Variants in SLC38A6 observed in about 807,000 individuals in gnomAD.
The protein encoded by SLC38A6 is N system amino acid transporter NAT-1.
SLC38A6 carries 73 observed loss-of-function variants against 65.0 expected under a neutral mutation model. That is an observed-to-expected ratio of 1.12 (90% CI 0.93 to 1.37). The LOEUF is 1.37. Among genes scored for constraint, SLC38A6 ranks in the 40% most tolerant of loss-of-function variants. SLC38A6 has a pLI of 0.00. For synonymous variants in SLC38A6, 183 were observed against 178.8 expected, an observed-to-expected ratio of 1.02 and a Z score of -0.19; for missense variants, 561 against 531.1, an observed-to-expected ratio of 1.06 and a Z score of -0.55.
At chr14:61,066,043 T>C (rs1189919048) in intron 15 of SLC38A6, among the ~76,000 whole-genome samples, 6 of 152,238 alleles carry the variant, frequency 3.9e-5, no homozygotes, top group Non-Finnish European at 8.8e-5. Flanking sequence ...ATTAGCCCTA[T>C]GTTAAACATA....
intron 16 of SLC38A6, among the ~76,000 whole-genome samples, chr14:61,081,261 G>A (rs902998516): frequency 3.3e-5 from 5 of 152,258 alleles, no homozygotes; most frequent in Non-Finnish European, 5.9e-5. Flanking sequence ...GGAAACCAAG[G>A]TAAATTGGAC....
intron 15 of SLC38A6, among the ~76,000 whole-genome samples, chr14:61,072,801 C>A (rs2043274742): frequency 6.6e-6 from 1 of 152,174 alleles, no homozygotes; most frequent in Admixed American, 6.5e-5. Flanking sequence ...TAGGTTACTT[C>A]CAAATCTTGG....
At chr14:60,982,730 C>A in intron 2 of SLC38A6, 92 bp downstream of exon 2, 1 of 1,361,286 alleles carries the variant, frequency 7.3e-7, no homozygotes. Context: ...TGCTATTATA[C>A]AATTTCTAGT....
At chr14:61,042,089 C>T (rs1335706558) in intron 8 of SLC38A6, among the ~76,000 whole-genome samples, 1 of 151,876 alleles carries the variant, frequency 6.6e-6, no homozygotes, top group African/African-American at 2.4e-5. Flanking sequence ...GAAAACTTAC[C>T]TAGAAATGTC....
chr14:61,047,080 A>G (rs2042195277), intron 12 of SLC38A6, among the ~76,000 whole-genome samples: 1 of 152,126 alleles, frequency 6.6e-6, no homozygotes, highest in Admixed American at 6.5e-5. Flanking sequence ...TGTATAGTGG[A>G]ATAGCTATAT....
intron 3 of SLC38A6, among the ~76,000 whole-genome samples, chr14:60,985,783 AT>A (rs2037409255): frequency 6.6e-6 from 1 of 152,120 alleles, no homozygotes; most frequent in African/African-American, 2.4e-5. Context: ...GGCCCTTCTT[AT>A]GAGGGGCTTT....
chr14:61,048,410 A>G (rs1038449037), intron 12 of SLC38A6: 10 of 257,316 alleles, frequency 3.9e-5, no homozygotes, highest in African/African-American at 2.0e-4. Flanking sequence ...CCTGACTTCA[A>G]TGGCATATAT....
chr14:61,036,822 A>G (rs1221541718), intron 6 of SLC38A6, among the ~76,000 whole-genome samples: 1 of 152,150 alleles, frequency 6.6e-6, no homozygotes, highest in African/African-American at 2.4e-5. Context: ...TTATTAATTC[A>G]GTAGTTGGAA....
At chr14:61,037,743 G>A in intron 8 of SLC38A6, 60 bp downstream of exon 8, 1 of 1,160,160 alleles carries the variant, frequency 8.6e-7, no homozygotes, top group Non-Finnish European at 1.2e-6. Flanking sequence ...CATTGTGTTA[G>A]TCTTTTTTAC....
intron 15 of SLC38A6, among the ~76,000 whole-genome samples, chr14:61,077,328 A>G (rs1489552693): frequency 2.0e-5 from 3 of 152,212 alleles, no homozygotes; most frequent in Non-Finnish European, 4.4e-5. Context: ...TTATAGGTGG[A>G]AAGAAGTAGA....
intron 1 of SLC38A6, chr14:60,981,632 A>C: frequency 6.9e-7 from 1 of 1,454,084 alleles, no homozygotes; most frequent in Admixed American, 2.1e-5. Context: ...TGCAGCGTTG[A>C]GTGGAAGCTG....
chr14:61,017,067 G>C (rs924212393), intron 4 of SLC38A6, among the ~76,000 whole-genome samples: 2 of 152,088 alleles, frequency 1.3e-5, no homozygotes, highest in Non-Finnish European at 2.9e-5. Flanking sequence ...TTCAGACAGA[G>C]TTTCGCTCTT....
intron 1 of SLC38A6, 78 bp downstream of exon 1, chr14:60,981,460 A>G (rs753068842): frequency 1.1e-5 from 17 of 1,543,838 alleles, no homozygotes; most frequent in Non-Finnish European, 1.5e-5. Context: ...GACCCAGAAA[A>G]GGAGGACCGC....
At chr14:61,052,727 C>T (rs116631765), downstream of SLC38A6, 187 of 185,834 alleles carry the variant, frequency 1.0e-3, no homozygotes, top group African/African-American at 4.1e-3. Flanking sequence ...TCACATATAC[C>T]GTTTTACCCC....
chr14:61,015,591 A>G (rs541101121), intron 3 of SLC38A6, among the ~76,000 whole-genome samples: 1 of 152,374 alleles, frequency 6.6e-6, no homozygotes, highest in African/African-American at 2.4e-5. Context: ...ACTACTGAGA[A>G]AAAGACATGT....
At chr14:61,047,948 T>C (rs1257268051) in intron 12 of SLC38A6, among the ~76,000 whole-genome samples, 2 of 151,512 alleles carry the variant, frequency 1.3e-5, no homozygotes, top group African/African-American at 4.8e-5. Flanking sequence ...GATGAATAGA[T>C]GATAGATTAG....
At chr14:61,044,855 T>A (rs1344408566) in intron 10 of SLC38A6, among the ~76,000 whole-genome samples, 1 of 152,214 alleles carries the variant, frequency 6.6e-6, no homozygotes, top group South Asian at 2.1e-4. Flanking sequence ...AATATTAAAA[T>A]GTGATTAATA....
intron 2 of SLC38A6, among the ~76,000 whole-genome samples, chr14:60,984,263 T>C (rs567729583): frequency 3.3e-5 from 5 of 152,160 alleles, no homozygotes; most frequent in Non-Finnish European, 5.9e-5. Flanking sequence ...AAATAAATCT[T>C]AAGTACACCT....
At chr14:61,051,760 C>T (rs1488243399) in intron 13 of SLC38A6, 27 bp from the exon 14 acceptor site, 1 of 1,607,162 alleles carries the variant, frequency 6.2e-7, no homozygotes, top group South Asian at 1.1e-5. Flanking sequence ...TTCCTCTTCG[C>T]TATATGTTTA....
Sources: allele counts gnomAD v4.1 joint callset (sites outside exome capture counted in the v4.1 genomes callset), GRCh38; gene constraint gnomAD v4.1.1; transcripts MANE v1.5; gene names NCBI Gene and HGNC (gene_info 2026-07-23, HGNC 2026-07-21).